The following PHACTR1 variants were observed in gnomAD, a reference collection of about 807,000 sequenced individuals.
PHACTR1 encodes phosphatase and actin regulator 1, also known as RPEL repeat containing 1.
A neutral mutation model predicts 69.2 loss-of-function variants in PHACTR1; 16 were observed. The ratio of observed to expected loss-of-function variants is 0.23; its 90% CI spans 0.16 to 0.35. PHACTR1 has a LOEUF of 0.35. PHACTR1 is among the 10% of genes least tolerant of loss of function. The pLI is 1.00. For missense variants in PHACTR1, 510 were observed against 734.7 expected, an observed-to-expected ratio of 0.69 and a Z score of 3.54; for synonymous variants, 312 against 284.5, an observed-to-expected ratio of 1.10 and a Z score of -0.97.
chr6:13,115,014 C>A lies in PHACTR1; in HGVS notation c.416-45190C>A, dbSNP rs566666957. 4.6e-5 allele frequency among the ~76,000 whole-genome samples: 7 copies of A among 152,232 alleles called. No homozygotes were observed. The South Asian group carries it at 1.5e-3, about 32-fold the overall frequency. On this transcript the variant is annotated intron_variant, in intron 5 of 14. Coordinates refer to ENST00000332995, the MANE Select transcript of PHACTR1 (RefSeq NM_030948.6). The stretch of plus-strand genomic sequence containing the variant: ...GAGGTTAAAAAAAATTATGTAAGGT[C>A]ACTTAGTGACTGATGCATAAAGCTG...
intron 4 of PHACTR1, among the ~76,000 whole-genome samples, chr6:12,911,559 G>A (rs1432225583): frequency 6.6e-6 from 1 of 152,074 alleles, no homozygotes; most frequent in Non-Finnish European, 1.5e-5. Flanking sequence ...CTGCTAGAGG[G>A]CAACATATGT....
intron 4 of PHACTR1, among the ~76,000 whole-genome samples, chr6:12,777,267 A>G (rs1770191536): frequency 6.6e-6 from 1 of 150,630 alleles, no homozygotes; most frequent in Non-Finnish European, 1.5e-5. Context: ...TTTTAGGTTC[A>G]GGGGTACGTG....
At chr6:13,134,260 C>T (rs1385828355) in intron 5 of PHACTR1, among the ~76,000 whole-genome samples, 1 of 151,592 alleles carries the variant, frequency 6.6e-6, no homozygotes, top group Non-Finnish European at 1.5e-5. Flanking sequence ...GTGGGGGGCG[C>T]CTCTGCCCGG....
chr6:13,037,325 A>G (rs1399317247), intron 4 of PHACTR1, among the ~76,000 whole-genome samples: 3 of 152,094 alleles, frequency 2.0e-5, no homozygotes, highest in African/African-American at 7.2e-5. Context: ...CAAACTCCCC[A>G]TTAACCTACC....
At chr6:13,109,358 A>G (rs1324338484) in intron 5 of PHACTR1, among the ~76,000 whole-genome samples, 2 of 151,944 alleles carry the variant, frequency 1.3e-5, no homozygotes, top group Non-Finnish European at 2.9e-5. Flanking sequence ...ACTTTTGTTT[A>G]TCTGAAAAGT....
intron 4 of PHACTR1, among the ~76,000 whole-genome samples, chr6:12,815,168 T>A (rs748736866): frequency 6.6e-6 from 1 of 152,178 alleles, no homozygotes; most frequent in Non-Finnish European, 1.5e-5. Context: ...TTGGAAAAAA[T>A]TTTAACAACC....
At chr6:12,984,034 T>G (rs1230907659) in intron 4 of PHACTR1, among the ~76,000 whole-genome samples, 1 of 152,234 alleles carries the variant, frequency 6.6e-6, no homozygotes, top group Admixed American at 6.5e-5. Context: ...TATAGCAGCA[T>G]GATTTATAAT....
intron 4 of PHACTR1, among the ~76,000 whole-genome samples, chr6:12,969,625 A>C (rs1582757418): frequency 6.6e-6 from 1 of 152,200 alleles, no homozygotes; most frequent in East Asian, 1.9e-4. Flanking sequence ...AGAACTCAGA[A>C]TCTTGCACCA....
intron 4 of PHACTR1, among the ~76,000 whole-genome samples, chr6:12,785,475 C>T (rs1771426147): frequency 6.6e-6 from 1 of 152,190 alleles, no homozygotes; most frequent in Non-Finnish European, 1.5e-5. Context: ...AAGCAACATA[C>T]TGAAGTAGTG....
intron 4 of PHACTR1, among the ~76,000 whole-genome samples, chr6:12,911,381 C>T (rs1325388740): frequency 6.6e-6 from 1 of 152,144 alleles, no homozygotes; most frequent in African/African-American, 2.4e-5. Flanking sequence ...GAATATATAT[C>T]ACACCATATC....
intron 4 of PHACTR1, among the ~76,000 whole-genome samples, chr6:12,761,074 G>A (rs1426259605): frequency 6.6e-6 from 1 of 152,196 alleles, no homozygotes; most frequent in African/African-American, 2.4e-5. Flanking sequence ...CTGCTTGTGA[G>A]CTGAATCATC....
At chr6:13,132,696 T>C (rs1008408181) in intron 5 of PHACTR1, among the ~76,000 whole-genome samples, 1 of 149,830 alleles carries the variant, frequency 6.7e-6, no homozygotes, top group Non-Finnish European at 1.5e-5. Context: ...CAAAAAACAA[T>C]GTACATACCT....
chr6:12,853,328 A>G (rs986115473), intron 4 of PHACTR1, among the ~76,000 whole-genome samples: 11 of 152,146 alleles, frequency 7.2e-5, no homozygotes, highest in Non-Finnish European at 1.5e-4. Flanking sequence ...AGAATCTCCA[A>G]CGAAACACCT....
intron 5 of PHACTR1, among the ~76,000 whole-genome samples, chr6:13,073,788 A>T (rs955455849): frequency 4.6e-5 from 7 of 152,020 alleles, no homozygotes; most frequent in African/African-American, 1.4e-4. Flanking sequence ...TTTTTTTCAT[A>T]TTAGGGATTC....
chr6:12,833,553 C>T (rs1315325813), intron 4 of PHACTR1, among the ~76,000 whole-genome samples: 1 of 152,126 alleles, frequency 6.6e-6, no homozygotes, highest in African/African-American at 2.4e-5. Flanking sequence ...GCCACTGTGC[C>T]CGGCCAAACC....
chr6:12,894,629 A>G (rs1185160467), intron 4 of PHACTR1, among the ~76,000 whole-genome samples: 1 of 152,150 alleles, frequency 6.6e-6, no homozygotes, highest in Non-Finnish European at 1.5e-5. Context: ...AAAACTTCTC[A>G]TTGACTTTTC....
intron 4 of PHACTR1, among the ~76,000 whole-genome samples, chr6:12,845,050 AGCC>A (rs1779065971): frequency 6.6e-6 from 1 of 152,200 alleles, no homozygotes; most frequent in Non-Finnish European, 1.5e-5. Flanking sequence ...AAATTAATAA[AGCC>A]ATAATGGTAT....
rs186331195 is a variant in PHACTR1 at position 13,286,064 on chromosome 6, T to A, written c.1651-82T>A. On this transcript the variant is annotated intron_variant, in intron 13 of 14. Transcript: ENST00000332995. ...GTTTGTCTTTGTTGAAGAAGAAAAA[T>A]ATGTTGTTAGGAATGAACTGAAAGG... 2.5e-6 allele frequency: 3 copies of A among 1,181,246 alleles called. No individual in the cohort carries two copies. The Admixed American group carries it at 9.2e-5, about 36-fold the overall frequency. The allele number at this position is 1,181,246 out of a possible 1,614,324, so 73.2% of individuals were successfully genotyped here. A position where few individuals can be genotyped will look rare whatever the true frequency, so the allele number is the denominator to read the frequency against.
At chr6:13,083,570 C>A (rs1271669516) in intron 5 of PHACTR1, among the ~76,000 whole-genome samples, 1 of 151,826 alleles carries the variant, frequency 6.6e-6, no homozygotes, top group Non-Finnish European at 1.5e-5. Flanking sequence ...ATTCTTCCTA[C>A]CCATGAGCAT....
Sources: allele counts gnomAD v4.1 joint callset (sites outside exome capture counted in the v4.1 genomes callset), GRCh38; gene constraint gnomAD v4.1.1; transcripts MANE v1.5; gene names NCBI Gene and HGNC (gene_info 2026-07-23, HGNC 2026-07-21).